The following DDTL variants were observed in gnomAD, a reference collection of about 807,000 sequenced individuals.
DDTL encodes putative D-dopachrome decarboxylase-like protein.
A neutral mutation model predicts 1.1 loss-of-function variants in DDTL; 1 was observed. That is an observed-to-expected ratio of 0.91 (90% CI 0.32 to 4.31). The LOEUF is 4.31. Among genes scored for constraint, DDTL ranks in the 30% most tolerant of loss-of-function variants. The probability of loss-of-function intolerance (pLI) is 0.17; values close to 1 mark genes in which losing one functional copy is unlikely to be tolerated. For missense variants in DDTL, 54 were observed against 48.9 expected (o/e 1.10, Z -0.31); for synonymous variants, 21 against 16.6 (o/e 1.26, Z -0.64).
rs117757735 is a variant in DDTL, at chr22:23,971,920, T to C, written c.*514T>C. ...CTCCATCAGTTTGTGTACTGAGGGG[T>C]ACCCTGCCTCCTAATTGCAGGCTCC... On this transcript the variant is annotated 3_prime_UTR_variant, in exon 3 of 3. Coordinates refer to ENST00000215770, the MANE Select transcript of DDTL (RefSeq NM_001084393.2). 4.5e-3 allele frequency: 1,350 copies of C among 302,582 alleles called. 31 individuals are homozygous for C. The highest frequency in any genetic ancestry group is 0.042 in the East Asian group (618 of 14,580). The allele number at this position is 302,582 out of a possible 1,614,324, so 18.7% of individuals were successfully genotyped here.
Position 23,972,157 on chromosome 22 carries a change from T to G in DDTL, c.*751T>G. 1 of 973,728 alleles carries G rather than the reference T, an allele frequency of 1.0e-6. No individual in the cohort carries two copies. The highest frequency in any genetic ancestry group is 1.2e-6 in the Non-Finnish European group (1 of 819,362). The allele number at this position is 973,728 out of a possible 1,614,324, so 60.3% of individuals were successfully genotyped here. A position where few individuals can be genotyped will look rare whatever the true frequency, so the allele number is the denominator to read the frequency against. ...ACAGCCTGTCTTCTCATCATAAAAT[T>G]GGCATAATGGAGATTATCTACCTCA... is the stretch of plus-strand genomic sequence containing the variant. On this transcript the variant is annotated 3_prime_UTR_variant, in exon 3 of 3. Transcript: ENST00000215770.
chr22:23,971,567 A>AC lies in DDTL; in HGVS notation c.*163dup. The AC allele has an allele frequency of 6.2e-7, 1 of 1,614,054 alleles. No homozygotes were observed. On this transcript the variant is annotated 3_prime_UTR_variant, in exon 3 of 3. Coordinates refer to ENST00000215770, the MANE Select transcript of DDTL (RefSeq NM_001084393.2). The stretch of plus-strand genomic sequence containing the variant: ...CGTGCCCAATCATAAAAAAGTCATG[A>AC]CCGTCCCTATCTTGCCAATCTGCCA...
rs762450828 is a variant in DDTL at position 23,971,721 on chromosome 22, G to C, written c.*315G>C. The C allele has an allele frequency of 9.2e-7, 1 of 1,087,650 alleles. No individual in the cohort carries two copies. Among genetic ancestry groups the C allele is most frequent in the Non-Finnish European group, 1.3e-6 (1 of 751,750 alleles). 67.4% of individuals were successfully genotyped at this position (1,087,650 alleles called of 1,614,324 possible). ...ACTCCCACTGTGGGTACTCAGGACA[G>C]CCTGCCTCAGTCCACCAGGCATTTT... On this transcript the variant is annotated 3_prime_UTR_variant, in exon 3 of 3. Coordinates refer to ENST00000215770, the MANE Select transcript of DDTL (RefSeq NM_001084393.2).
In DDTL at chr22:23,971,395, T is replaced by G; in HGVS notation, c.394T>G (p.Tyr132Asp). Residue 132 changes from tyrosine (Y) to aspartate (D), a missense_variant, in exon 3 of 3, where the codon TAT becomes GAT. Tyr to Asp is a radical substitution (Grantham distance 160). Transcript: ENST00000215770. ...SCLNEEALFI[Y>D]FI ...TTTGAATGAGGAAGCTCTCTTCATT[T>G]ATTTCATATGAGGATGAAGAAGAGG... The G allele has an allele frequency of 6.2e-7, 1 of 1,613,660 alleles. No homozygotes were observed. The highest frequency in any genetic ancestry group is 8.5e-7 in the Non-Finnish European group (1 of 1,179,782).
At position 23,971,784 on chromosome 22, in the gene DDTL, C is replaced by T. The variant is rs550623694; in HGVS notation, c.*378C>T. 1.8e-5 allele frequency: 12 copies of T among 659,790 alleles called. No individual in the cohort carries two copies. In the South Asian group the frequency reaches 2.1e-4, roughly 12 times the overall value. The allele number at this position is 659,790 out of a possible 1,614,324, so 40.9% of individuals were successfully genotyped here. A position where few individuals can be genotyped will look rare whatever the true frequency, so the allele number is the denominator to read the frequency against. Reference sequence around the variant, plus strand: ...ATCCCAATAATGATTTTCCCCAACCCCCAGCAGGGCAGTGGGACACTCAGG... The same window carrying T: ...ATCCCAATAATGATTTTCCCCAACCTCCAGCAGGGCAGTGGGACACTCAGG... On this transcript the variant is annotated 3_prime_UTR_variant, in exon 3 of 3. Transcript: ENST00000215770.
At chr22:23,970,302 A>T (rs140303902) in intron 2 of DDTL, among the ~76,000 whole-genome samples, 1 of 152,024 alleles carries the variant, frequency 6.6e-6, no homozygotes, top group African/African-American at 2.4e-5. Flanking sequence ...GTGTGGGTGT[A>T]TATGTGTGTG....
chr22:23,970,954 C>T (rs972339857), intron 2 of DDTL, among the ~76,000 whole-genome samples: 4 of 151,156 alleles, frequency 2.6e-5, no homozygotes, highest in African/African-American at 9.7e-5. Flanking sequence ...GGAGGAGGGG[C>T]AGACTGGGGA....
rs1229312728 is a variant in DDTL, at chr22:23,972,543, T to C, written c.*1137T>C. 1.1e-6 allele frequency: 1 copy of C among 938,026 alleles called. No individual in the cohort carries two copies. Among genetic ancestry groups the C allele is most frequent in the South Asian group, 3.9e-5 (1 of 25,740 alleles). 58.1% of individuals were successfully genotyped at this position (938,026 alleles called of 1,614,324 possible). On this transcript the variant is annotated 3_prime_UTR_variant, in exon 3 of 3. Transcript: ENST00000215770. ...GGGAATAATGACAAGGAATAAAGTCTATACGTATTTTCAGTATAGATGCAA... is the reference window on the plus strand; with the variant it reads ...GGGAATAATGACAAGGAATAAAGTCCATACGTATTTTCAGTATAGATGCAA...
intron 2 of DDTL, chr22:23,969,592 G>A (rs969897966): frequency 1.0e-6 from 1 of 985,236 alleles, no homozygotes; most frequent in African/African-American, 1.7e-5. Flanking sequence ...GGGCTGAGGT[G>A]GGAGGATCAC....
chr22:23,971,177 A>G, intron 2 of DDTL, 109 bp from the exon 3 acceptor site: 1 of 1,486,876 alleles, frequency 6.7e-7, no homozygotes, highest in Middle Eastern at 2.6e-4. Flanking sequence ...CCCCAGCTGG[A>G]CCAGCTGCTC....
chr22:23,969,562 G>GA (rs1185129107), intron 2 of DDTL: 9 of 976,676 alleles, frequency 9.2e-6, no homozygotes, highest in Non-Finnish European at 1.1e-5. Context: ...TCATTACCGG[G>GA]ATGAGCACTT....
chr22:23,971,206 G>A (rs1260880479), intron 2 of DDTL, 80 bp from the exon 3 acceptor site: 10 of 1,525,874 alleles, frequency 6.6e-6, no homozygotes, highest in South Asian at 6.5e-5. Flanking sequence ...CCACAGGCCT[G>A]CAGATGGGTG....
At chr22:23,969,602 C>A in intron 2 of DDTL, 1 of 985,540 alleles carries the variant, frequency 1.0e-6, no homozygotes, top group Non-Finnish European at 1.2e-6. Context: ...GGGAGGATCA[C>A]TTAAGCCCAG....
chr22:23,971,364 G>A lies in DDTL; in HGVS notation c.363G>A (p.Lys121=). Residue 121 remains lysine, a synonymous_variant, in exon 3 of 3, where the codon AAG becomes AAA. Coordinates refer to ENST00000215770, the MANE Select transcript of DDTL (RefSeq NM_001084393.2). ...RCPGEIIEGK[K]SCLNEEALFI... ...CAGGAGAGATAATAGAAGGTAAGAA[G>A]TCATGTTTGAATGAGGAAGCTCTCT... is the stretch of plus-strand genomic sequence containing the variant. 5 of 1,614,102 alleles carry A rather than the reference G, an allele frequency of 3.1e-6. No homozygotes were observed. Among genetic ancestry groups the A allele is most frequent in the Non-Finnish European group, 4.2e-6 (5 of 1,179,962 alleles).
At chr22:23,969,313 G>T in intron 2 of DDTL, 18 of 984,134 alleles carry the variant, frequency 1.8e-5, no homozygotes, top group Non-Finnish European at 2.2e-5. Flanking sequence ...AGTGGTGGGG[G>T]GGCCACCCTG....
chr22:23,969,648 C>T (rs1405549794), intron 2 of DDTL: 1 of 930,330 alleles, frequency 1.1e-6, no homozygotes. Flanking sequence ...AAGTGCGACC[C>T]CATCTCTACA....
Position 23,971,535 on chromosome 22 carries a change from A to C in DDTL, c.*129A>C. 1 of 1,613,808 alleles carries C rather than the reference A, an allele frequency of 6.2e-7. No homozygotes were observed. The highest frequency in any genetic ancestry group is 8.5e-7 in the Non-Finnish European group (1 of 1,179,832). The stretch of plus-strand genomic sequence containing the variant: ...AGCAGCCAGTTCACAGATGCCCTGG[A>C]TCCCTCCGTGCCCAATCATAAAAAA... On this transcript the variant is annotated 3_prime_UTR_variant, in exon 3 of 3. Coordinates refer to ENST00000215770, the MANE Select transcript of DDTL (RefSeq NM_001084393.2).
At position 23,971,603 on chromosome 22, in the gene DDTL, GGGAAAAAGCGGATAAGTATCCTTCA is replaced by G. The variant is rs2033903701; in HGVS notation, c.*201_*225del. 6.2e-7 allele frequency: 1 copy of G among 1,613,846 alleles called. No individual in the cohort carries two copies. The highest frequency in any genetic ancestry group is 1.3e-5 in the African/African-American group (1 of 74,888). ...CTTGCCAATCTGCCAGGACTCCAAG[GGGAAAAAGCGGATAAGTATCCTTCA>G]GGAGACAGAGAAAAAGATATCATCA... On this transcript the variant is annotated 3_prime_UTR_variant, in exon 3 of 3. Coordinates refer to ENST00000215770, the MANE Select transcript of DDTL (RefSeq NM_001084393.2).
At chr22:23,969,797 T>G (rs1032838372) in intron 2 of DDTL, 2 of 985,938 alleles carry the variant, frequency 2.0e-6, no homozygotes, top group African/African-American at 1.7e-5. Context: ...CACTCCATGC[T>G]GGCTGCCTTT....
Sources: allele counts gnomAD v4.1 joint callset (sites outside exome capture counted in the v4.1 genomes callset), GRCh38; gene constraint gnomAD v4.1.1; transcripts MANE v1.5; gene names NCBI Gene and HGNC (gene_info 2026-07-23, HGNC 2026-07-21).